The following THADA variants were observed in gnomAD, a reference collection of about 807,000 sequenced individuals.
THADA encodes the protein tRNA (32-2'-O)-methyltransferase regulator THADA.
THADA carries 213 observed loss-of-function variants against 219.8 expected under a neutral mutation model. That is an observed-to-expected ratio of 0.97 (90% CI 0.87 to 1.09). The LOEUF is 1.09. Ranked by LOEUF, THADA falls within the 50% of genes least tolerant of loss-of-function variation. The probability of loss-of-function intolerance (pLI) is 0.00; values close to 1 mark genes in which losing one functional copy is unlikely to be tolerated. For synonymous variants in THADA, 1,018 were observed against 828.9 expected (o/e 1.23, Z -3.92); for missense variants, 2,956 against 2,311.3 (o/e 1.28, Z -5.72).
chr2:43,289,813 G>A (rs556629748), intron 34 of THADA, among the ~76,000 whole-genome samples: 1 of 151,776 alleles, frequency 6.6e-6, no homozygotes, highest in Admixed American at 6.6e-5. Flanking sequence ...CACCACATCT[G>A]GCTAATTTTT....
At chr2:43,321,711 G>T (rs957107230) in intron 30 of THADA, among the ~76,000 whole-genome samples, 3 of 152,180 alleles carry the variant, frequency 2.0e-5, no homozygotes, top group Non-Finnish European at 2.9e-5. Context: ...AATAGAAAAT[G>T]GACTAAGACA....
chr2:43,458,993 A>T (rs567273839), intron 26 of THADA, among the ~76,000 whole-genome samples: 1 of 152,308 alleles, frequency 6.6e-6, no homozygotes, highest in South Asian at 2.1e-4. Context: ...TCTAGGTACC[A>T]CTTGTCTTGT....
intron 29 of THADA, among the ~76,000 whole-genome samples, chr2:43,364,012 A>C (rs1669823264): frequency 6.6e-6 from 1 of 152,314 alleles, no homozygotes. Flanking sequence ...GCTTGAGCTC[A>C]CAAGTTGGAG....
intron 36 of THADA, among the ~76,000 whole-genome samples, chr2:43,265,249 C>A (rs965764787): frequency 3.9e-5 from 6 of 152,240 alleles, no homozygotes; most frequent in Non-Finnish European, 5.9e-5. Flanking sequence ...CCCAGTGCAT[C>A]TGGACAACCT....
intron 28 of THADA, among the ~76,000 whole-genome samples, chr2:43,400,478 A>ATATATATATCTATATATATATATATAT (rs10687373): frequency 8.5e-6 from 1 of 117,000 alleles, no homozygotes; most frequent in Non-Finnish European, 1.8e-5. Context: ...TATATATATA[A>ATATATATATCTATATATATATATATAT]ATATATACAC....
intron 29 of THADA, among the ~76,000 whole-genome samples, chr2:43,345,327 G>C (rs1667516990): frequency 6.6e-6 from 1 of 152,136 alleles, no homozygotes; most frequent in Admixed American, 6.5e-5. Context: ...ACCCTAAATG[G>C]GTAGACTGGC....
At position 43,337,237 on chromosome 2, in the gene THADA, C is replaced by T. The variant is rs72790904; in HGVS notation, c.4343+6885G>A. 7.9e-3 allele frequency among the ~76,000 whole-genome samples: 1,206 copies of T among 152,272 alleles called. 8 individuals carry two copies. Among genetic ancestry groups the T allele is most frequent in the Middle Eastern group, 0.014 (4 of 294 alleles). Reference sequence around the variant, plus strand: ...CTTTTAAAGAAGACAAAACAAAATGCTAACGCAGGGCCATCTCTGTTTGGT... The same window carrying T: ...CTTTTAAAGAAGACAAAACAAAATGTTAACGCAGGGCCATCTCTGTTTGGT... On this transcript the variant is annotated intron_variant, in intron 30 of 37. Coordinates refer to ENST00000405975, the MANE Select transcript of THADA (RefSeq NM_022065.5).
intron 28 of THADA, among the ~76,000 whole-genome samples, chr2:43,422,850 G>C (rs1442005101): frequency 6.6e-6 from 1 of 152,096 alleles, no homozygotes; most frequent in African/African-American, 2.4e-5. Context: ...CTCCCAAGTA[G>C]CTGGGACTAC....
intron 29 of THADA, among the ~76,000 whole-genome samples, chr2:43,384,552 A>G (rs1314028862): frequency 1.3e-5 from 2 of 152,252 alleles, no homozygotes; most frequent in Non-Finnish European, 2.9e-5. Context: ...ACGCTCAATC[A>G]TGAATTTTAA....
At chr2:43,235,529 G>A (rs938969236) in intron 36 of THADA, among the ~76,000 whole-genome samples, 1 of 152,090 alleles carries the variant, frequency 6.6e-6, no homozygotes, top group Non-Finnish European at 1.5e-5. Flanking sequence ...CTGACCTCAA[G>A]TGATCTGCCC....
chr2:43,549,205 G>GTTA lies in THADA; in HGVS notation c.3106+2_3106+4dup, dbSNP rs1353461046. Reference sequence around the variant, plus strand: ...GAATTACAGTATCCATTTTATACAAGTTACCTTTGATTTCTGTAGAAGTAT... The same window carrying GTTA: ...GAATTACAGTATCCATTTTATACAAGTTATTACCTTTGATTTCTGTAGAAGTAT... On this transcript the variant is annotated splice_donor_region_variant and intron_variant, in intron 20 of 37. Transcript: ENST00000405975. The GTTA allele has an allele frequency of 6.4e-7, 1 of 1,556,896 alleles. No individual in the cohort carries two copies. Among genetic ancestry groups the GTTA allele is most frequent in the Non-Finnish European group, 8.7e-7 (1 of 1,153,098 alleles).
chr2:43,489,888 A>AAAAAAAAAAAAAAAAAAAAAAAAAC, intron 25 of THADA, among the ~76,000 whole-genome samples: 1 of 151,530 alleles, frequency 6.6e-6, no homozygotes, highest in Non-Finnish European at 1.5e-5. Context: ...AAAAAAAAAA[A>AAAAAAAAAAAAAAAAAAAAAAAAAC]AAAAAAGCTA....
At chr2:43,467,368 T>C (rs1300694195) in intron 26 of THADA, among the ~76,000 whole-genome samples, 2 of 152,076 alleles carry the variant, frequency 1.3e-5, no homozygotes, top group Non-Finnish European at 2.9e-5. Flanking sequence ...ATTCCAAGTG[T>C]GCCATTTAGA....
chr2:43,494,425 G>A (rs1688020578), intron 25 of THADA, among the ~76,000 whole-genome samples: 1 of 152,108 alleles, frequency 6.6e-6, no homozygotes, highest in South Asian at 2.1e-4. Flanking sequence ...TAAGAAAATA[G>A]GGCCAAAACC....
At chr2:43,401,563 C>G (rs191089159) in intron 28 of THADA, among the ~76,000 whole-genome samples, 456 of 152,318 alleles carry the variant, frequency 3.0e-3, no homozygotes, top group Non-Finnish European at 4.9e-3. Context: ...TAGGCGTGAG[C>G]CACCATGCCC....
chr2:43,519,767 C>T (rs1280080820), intron 22 of THADA, among the ~76,000 whole-genome samples: 1 of 152,178 alleles, frequency 6.6e-6, no homozygotes, highest in African/African-American at 2.4e-5. Flanking sequence ...CCAGCTGGCG[C>T]ACATTAGCTG....
chr2:43,233,405 T>G (rs1334744355), intron 36 of THADA: 1 of 152,880 alleles, frequency 6.5e-6, no homozygotes, highest in Non-Finnish European at 1.5e-5. Context: ...GGACAATCTG[T>G]AAACAAATGG....
chr2:43,381,604 G>A (rs1164165381), intron 29 of THADA, among the ~76,000 whole-genome samples: 3 of 148,780 alleles, frequency 2.0e-5, no homozygotes, highest in Non-Finnish European at 4.5e-5. Context: ...TTTTTCCGAC[G>A]GAGTCTCACT....
At chr2:43,325,505 G>A (rs915171947) in intron 30 of THADA, among the ~76,000 whole-genome samples, 1 of 151,794 alleles carries the variant, frequency 6.6e-6, no homozygotes, top group Non-Finnish European at 1.5e-5. Flanking sequence ...TCAACTAGTG[G>A]GTAGTGACCA....
Sources: gnomAD v4.1 joint callset for allele counts (sites outside exome capture counted in the v4.1 genomes callset) on GRCh38, gnomAD v4.1.1 for gene constraint, MANE v1.5 for transcripts, NCBI Gene and HGNC (gene_info 2026-07-23, HGNC 2026-07-21) for gene names.